Variants in SLC27A6 observed in about 807,000 individuals in gnomAD.
The protein encoded by SLC27A6 is long-chain fatty acid transport protein 6.
A neutral mutation model predicts 63.9 loss-of-function variants in SLC27A6; 74 were observed. That is an observed-to-expected ratio of 1.16 (90% CI 0.96 to 1.40). The LOEUF is 1.40. SLC27A6 is among the 40% of genes most tolerant of loss of function. SLC27A6 has a pLI of 0.00. For synonymous variants in SLC27A6, 287 were observed against 260.8 expected, an observed-to-expected ratio of 1.10 and a Z score of -0.97; for missense variants, 794 against 732.9, an observed-to-expected ratio of 1.08 and a Z score of -0.96.
intron 3 of SLC27A6, among the ~76,000 whole-genome samples, chr5:128,989,865 A>C (rs953559233): frequency 4.7e-5 from 7 of 149,144 alleles, no homozygotes; most frequent in Admixed American, 2.7e-4. Context: ...CAGAGCTTGC[A>C]GTGAGCCGAG....
chr5:129,023,815 A>G (rs1162021521), intron 6 of SLC27A6, 105 bp downstream of exon 6: 6 of 742,412 alleles, frequency 8.1e-6, no homozygotes, highest in Non-Finnish European at 1.1e-5. Context: ...CCCCGGGTAG[A>G]CACCAAAATT....
chr5:129,025,555 G>A (rs1752211765), intron 6 of SLC27A6, among the ~76,000 whole-genome samples: 1 of 151,748 alleles, frequency 6.6e-6, no homozygotes, highest in African/African-American at 2.4e-5. Flanking sequence ...ATATTATCTG[G>A]GCCTTTCTTA....
At chr5:129,010,279 G>A (rs1751686619) in intron 4 of SLC27A6, among the ~76,000 whole-genome samples, 2 of 151,902 alleles carry the variant, frequency 1.3e-5, no homozygotes, top group Non-Finnish European at 2.9e-5. Context: ...TTAGAGTTAT[G>A]GTAGGCAAAA....
At chr5:129,010,363 G>C (rs1047004226) in intron 4 of SLC27A6, among the ~76,000 whole-genome samples, 1 of 152,162 alleles carries the variant, frequency 6.6e-6, no homozygotes, top group Non-Finnish European at 1.5e-5. Context: ...CCTGGAATGC[G>C]TGAATATGTG....
chr5:128,985,034 T>G (rs1371722485), intron 1 of SLC27A6, 99 bp from the exon 2 acceptor site: 2 of 765,342 alleles, frequency 2.6e-6, no homozygotes, highest in East Asian at 5.4e-5. Context: ...CAGCATTTTA[T>G]TTACATTTTA....
At chr5:129,023,809 G>A (rs886644629) in intron 6 of SLC27A6, 99 bp downstream of exon 6, 26 of 774,852 alleles carry the variant, frequency 3.4e-5, no homozygotes, top group East Asian at 1.8e-4. Context: ...CCAGGACCCC[G>A]GGTAGACACC....
Position 128,997,117 on chromosome 5 carries a change from G to A in SLC27A6, c.969+6653G>A, listed in dbSNP as rs545616687. Among the ~76,000 whole-genome samples the A allele has an allele frequency of 2.6e-5, 4 of 152,038 alleles. No individual in the cohort carries two copies. In the South Asian group the frequency reaches 6.2e-4, roughly 24 times the overall value. ...TAATCAATCAAAGTACATAGTTTTG[G>A]AAAACTTTTCCCACCACATTTTAGT... On this transcript the variant is annotated intron_variant, in intron 4 of 9. Coordinates refer to ENST00000262462, the MANE Select transcript of SLC27A6 (RefSeq NM_001017372.3).
intron 4 of SLC27A6, among the ~76,000 whole-genome samples, chr5:129,007,442 TAAAAAAAA>T (rs569920098): frequency 9.6e-6 from 1 of 104,302 alleles, no homozygotes; most frequent in African/African-American, 3.6e-5. Context: ...GACTCAGTCT[TAAAAAAAA>T]AAAAAAAAAA....
At chr5:128,990,610 A>G in intron 4 of SLC27A6, 146 bp downstream of exon 4, 1 of 842,240 alleles carries the variant, frequency 1.2e-6, no homozygotes, top group South Asian at 1.8e-5. Flanking sequence ...GGCAGGTGCT[A>G]CCTAGATGGT....
At chr5:128,980,512 G>T (rs2150131709) in intron 1 of SLC27A6, among the ~76,000 whole-genome samples, 1 of 152,204 alleles carries the variant, frequency 6.6e-6, no homozygotes, top group South Asian at 2.1e-4. Context: ...TTAAGCCAGT[G>T]GGGTCCACAG....
chr5:128,986,709 A>G (rs1293752750), intron 2 of SLC27A6, among the ~76,000 whole-genome samples: 2 of 152,200 alleles, frequency 1.3e-5, no homozygotes, highest in Non-Finnish European at 2.9e-5. Flanking sequence ...TTGAATAATA[A>G]CAGGTCTAGA....
At chr5:129,003,967 CAAAAAAAAAAAAA>C (rs779667758) in intron 4 of SLC27A6, among the ~76,000 whole-genome samples, 16 of 69,426 alleles carry the variant, frequency 2.3e-4, no homozygotes, top group African/African-American at 8.8e-4. Flanking sequence ...GACCCTGTCT[CAAAAAAAAAAAAA>C]AAAAAAAAGA....
At chr5:128,967,205 T>C (rs951475505) in intron 1 of SLC27A6, among the ~76,000 whole-genome samples, 5 of 127,542 alleles carry the variant, frequency 3.9e-5, no homozygotes, top group African/African-American at 1.7e-4. Context: ...CCATGCATCC[T>C]TTTCTTTTTT....
At position 129,024,595 on chromosome 5, in the gene SLC27A6, A is replaced by G. The variant is rs549437170; in HGVS notation, c.1255+885A>G. On this transcript the variant is annotated intron_variant, in intron 6 of 9. Transcript: ENST00000262462. Reference sequence around the variant, plus strand: ...TCCCTCTCACTCCCCTCCCTTCTCTACCAAGGTAGACTTTCTTACAATTTT... The same window carrying G: ...TCCCTCTCACTCCCCTCCCTTCTCTGCCAAGGTAGACTTTCTTACAATTTT... Among the ~76,000 whole-genome samples, 9 of 152,090 alleles carry G rather than the reference A, an allele frequency of 5.9e-5. No homozygotes were observed. The South Asian group carries it at 6.2e-4, about 11-fold the overall frequency.
At chr5:129,012,344 T>A (rs1751754328) in intron 4 of SLC27A6, among the ~76,000 whole-genome samples, 1 of 152,128 alleles carries the variant, frequency 6.6e-6, no homozygotes, top group African/African-American at 2.4e-5. Context: ...TGAAGCTTAA[T>A]GCTTTGAATT....
intron 9 of SLC27A6, among the ~76,000 whole-genome samples, chr5:129,031,635 A>G (rs1752417993): frequency 6.6e-6 from 1 of 151,986 alleles, no homozygotes; most frequent in South Asian, 2.1e-4. Flanking sequence ...CTAGTGTTAA[A>G]AATTTTGATA....
intron 4 of SLC27A6, among the ~76,000 whole-genome samples, chr5:129,015,436 G>A (rs1234665552): frequency 6.6e-6 from 1 of 152,134 alleles, no homozygotes; most frequent in African/African-American, 2.4e-5. Flanking sequence ...TAAGGAAGAT[G>A]GGTATTATTA....
intron 4 of SLC27A6, among the ~76,000 whole-genome samples, chr5:129,007,520 TAA>T (rs1279237384): frequency 6.6e-6 from 1 of 151,490 alleles, no homozygotes; most frequent in Non-Finnish European, 1.5e-5. Context: ...GTAACTATTT[TAA>T]AAAGTGTTAA....
At chr5:128,968,179 G>C (rs1390975726) in intron 1 of SLC27A6, among the ~76,000 whole-genome samples, 2 of 152,094 alleles carry the variant, frequency 1.3e-5, no homozygotes, top group African/African-American at 4.8e-5. Flanking sequence ...CATTTGGGTT[G>C]GCTCCAAGTC....
Sources: allele counts gnomAD v4.1 joint callset (sites outside exome capture counted in the v4.1 genomes callset), GRCh38; gene constraint gnomAD v4.1.1; transcripts MANE v1.5; gene names NCBI Gene and HGNC (gene_info 2026-07-23, HGNC 2026-07-21).